KRT28: variants seen among roughly 807,000 people sequenced by gnomAD.
The protein encoded by KRT28 is keratin, type I cytoskeletal 28.
KRT28 carries 45 observed loss-of-function variants against 48.1 expected under a neutral mutation model. That is an observed-to-expected ratio of 0.94 (90% CI 0.74 to 1.20). The LOEUF (loss-of-function observed/expected upper bound fraction) is 1.20, where lower values mean the gene tolerates loss of function less well. Ranked by LOEUF, KRT28 falls within the 50% of genes most tolerant of loss-of-function variation. KRT28 has a pLI of 0.00. For synonymous variants in KRT28, 228 were observed against 227.4 expected, an observed-to-expected ratio of 1.00 and a Z score of -0.03; for missense variants, 571 against 574.1, an observed-to-expected ratio of 0.99 and a Z score of 0.06.
chr17:40,799,304 T>C, intron 1 of KRT28, 140 bp downstream of exon 1: 2 of 747,876 alleles, frequency 2.7e-6, no homozygotes, highest in Non-Finnish European at 4.1e-6. Context: ...GGGCCCATTT[T>C]TGAATAGTAG....
At chr17:40,799,273 C>A (rs531648383) in intron 1 of KRT28, among the ~76,000 whole-genome samples, 171 bp downstream of exon 1, 1 of 152,230 alleles carries the variant, frequency 6.6e-6, no homozygotes, top group South Asian at 2.1e-4. Flanking sequence ...ATTTTAACTA[C>A]ATTAAAATTC....
Position 40,797,182 on chromosome 17 carries a change from C to T in KRT28, c.790G>A (p.Ala264Thr). Residue 264 changes from alanine to threonine, a missense_variant, in exon 4 of 8, where the codon GCG becomes ACG. Physicochemically the swap from Ala to Thr is moderately conservative, Grantham distance 58 (BLOSUM62 0). Transcript: ENST00000306658. ...TGCTCTGCAAGGGCTTCGTACTCCG[C>T]TCGCATGTTGTTCAACAAAACCGCG... ...DLAVLLNNMR[A>T]EYEALAEQNR... is the part of the protein sequence containing the mutation. 6.2e-7 allele frequency: 1 copy of T among 1,614,182 alleles called. No individual in the cohort carries two copies. Among genetic ancestry groups the T allele is most frequent in the Non-Finnish European group, 8.5e-7 (1 of 1,180,026 alleles).
chr17:40,799,460 T>A lies in KRT28; in HGVS notation c.434A>T (p.Glu145Val), dbSNP rs1904696463. Residue 145 changes from glutamate (E) to valine (V), a missense_variant, in exon 1 of 8, where the codon GAG becomes GTG. Glu to Val is a moderately radical substitution (Grantham distance 121). Coordinates refer to ENST00000306658, the MANE Select transcript of KRT28 (RefSeq NM_181535.3). The part of the protein sequence containing the change: ...HDYSRYHLTI[E>V]DLKNKIISST... ...ATTTCTCACCTTATTCTTAAGATCC[T>A]CAATTGTTAGGTGATATCTGCTATA... 1 of 1,603,952 alleles carries A rather than the reference T, an allele frequency of 6.2e-7. No homozygotes were observed. Among genetic ancestry groups the A allele is most frequent in the Non-Finnish European group, 8.5e-7 (1 of 1,172,938 alleles).
chr17:40,798,094 A>G, intron 3 of KRT28, 141 bp downstream of exon 3: 1 of 698,868 alleles, frequency 1.4e-6, no homozygotes, highest in Non-Finnish European at 2.4e-6. Context: ...AGTAGGTAGT[A>G]TTATTAGACT....
Position 40,797,205 on chromosome 17 carries a change from G to A in KRT28, c.767C>T (p.Ala256Val), listed in dbSNP as rs768445733. ...CGCTCGCATGTTGTTCAACAAAACC[G>A]CGAGGTCTACCCCCGGGGCCGCGTT... is the stretch of plus-strand genomic sequence containing the variant. ...EMNAAPGVDLAVLLNNMRAEY... is the reference protein window; with the variant it reads ...EMNAAPGVDLVVLLNNMRAEY... Residue 256 changes from alanine (A) to valine (V), a missense_variant, in exon 4 of 8, where the codon GCG (alanine) becomes GTG (valine). Transcript: ENST00000306658. 1.2e-6 allele frequency: 2 copies of A among 1,614,118 alleles called. No homozygotes were observed. Among genetic ancestry groups the A allele is most frequent in the East Asian group, 4.5e-5 (2 of 44,878 alleles).
At position 40,797,185 on chromosome 17, in the gene KRT28, G is replaced by T. The variant is rs781711166; in HGVS notation, c.787C>A (p.Arg263=). The T allele has an allele frequency of 1.2e-5, 19 of 1,614,014 alleles. No homozygotes were observed. The highest frequency in any genetic ancestry group is 5.3e-5 in the African/African-American group (4 of 74,904). ...VDLAVLLNNM[R]AEYEALAEQN... is the part of the protein sequence containing the mutation. ...TCTGCAAGGGCTTCGTACTCCGCTC[G>T]CATGTTGTTCAACAAAACCGCGAGG... Residue 263 remains arginine (R), a synonymous_variant, in exon 4 of 8, where the codon CGA becomes AGA. Coordinates refer to ENST00000306658, the MANE Select transcript of KRT28 (RefSeq NM_181535.3).
At position 40,792,282 on chromosome 17, in the gene KRT28, A is replaced by C; in HGVS notation, c.*145T>G. 1 of 565,642 alleles carries C rather than the reference A, an allele frequency of 1.8e-6. No individual in the cohort carries two copies. Among genetic ancestry groups the C allele is most frequent in the Non-Finnish European group, 2.8e-6 (1 of 351,570 alleles). The allele number at this position is 565,642 out of a possible 1,614,324, so 35.0% of individuals were successfully genotyped here. On this transcript the variant is annotated 3_prime_UTR_variant, in exon 8 of 8. Transcript: ENST00000306658. The stretch of plus-strand genomic sequence containing the variant: ...TTTTATTTATTGGAAACAAACACTC[A>C]ATATCCTGTAAAACTAAGAAAACAG...
chr17:40,793,793 G>C, intron 6 of KRT28, 36 bp downstream of exon 6: 1 of 1,603,828 alleles, frequency 6.2e-7, no homozygotes, highest in Non-Finnish European at 8.5e-7. Flanking sequence ...TAGCTTAAAA[G>C]AGGTAAAAAC....
At chr17:40,799,358 C>T in intron 1 of KRT28, 86 bp downstream of exon 1, 2 of 1,083,010 alleles carry the variant, frequency 1.8e-6, no homozygotes. Flanking sequence ...TTATAACAGT[C>T]ATGAAGCATT....
At position 40,797,232 on chromosome 17, in the gene KRT28, A is replaced by T; in HGVS notation, c.740T>A (p.Met247Lys). The T allele has an allele frequency of 1.2e-6, 2 of 1,614,136 alleles. No individual in the cohort carries two copies. Among genetic ancestry groups the T allele is most frequent in the Non-Finnish European group, 1.7e-6 (2 of 1,180,020 alleles). Residue 247 changes from methionine (M) to lysine (K), a missense_variant, in exon 4 of 8, where the codon ATG (methionine) becomes AAG (lysine). By Grantham distance (95) the Met-to-Lys change is moderately conservative. Coordinates refer to ENST00000306658, the MANE Select transcript of KRT28 (RefSeq NM_181535.3). ...CAAGGNVNVE[M>K]NAAPGVDLAV... The stretch of plus-strand genomic sequence containing the variant: ...GAGGTCTACCCCCGGGGCCGCGTTC[A>T]TCTCCACGTTCACGTTGCCCCCAGC...
chr17:40,794,188 G>C, intron 5 of KRT28, 142 bp from the exon 6 acceptor site: 1 of 1,017,258 alleles, frequency 9.8e-7, no homozygotes, highest in South Asian at 1.6e-5. Flanking sequence ...GGGAAAGAAA[G>C]GAGGCTGGCA....
chr17:40,793,284 A>G, intron 6 of KRT28, 74 bp from the exon 7 acceptor site: 1 of 987,824 alleles, frequency 1.0e-6, no homozygotes. Context: ...TGACTCAATG[A>G]ATGAAATTTG....
chr17:40,798,522 A>C (rs1156738520), intron 2 of KRT28, 131 bp from the exon 3 acceptor site: 1 of 978,482 alleles, frequency 1.0e-6, no homozygotes, highest in African/African-American at 1.6e-5. Context: ...AAATATATGA[A>C]GAAAGCGCTC....
chr17:40,797,320 G>C (rs768864912), intron 3 of KRT28, 39 bp from the exon 4 acceptor site: 1 of 1,585,538 alleles, frequency 6.3e-7, no homozygotes, highest in Non-Finnish European at 8.6e-7. Context: ...GGGCATTGCA[G>C]GTTCACACTC....
chr17:40,798,903 C>T lies in KRT28; in HGVS notation c.533+14G>A, dbSNP rs1167500999. On this transcript the variant is annotated intron_variant, in intron 2 of 7. Transcript: ENST00000306658. Reference sequence around the variant, plus strand: ...AAACTTTTTTCTAGAGCAGGATTTTCTTCTGTCACTTACTTTAGCCTGAAA... The same window carrying T: ...AAACTTTTTTCTAGAGCAGGATTTTTTTCTGTCACTTACTTTAGCCTGAAA... The T allele has an allele frequency of 6.4e-7, 1 of 1,554,740 alleles. No homozygotes were observed. The highest frequency in any genetic ancestry group is 8.8e-7 in the Non-Finnish European group (1 of 1,137,548).
At position 40,798,324 on chromosome 17, in the gene KRT28, C is replaced by T; in HGVS notation, c.601G>A (p.Asp201Asn). 6.2e-7 allele frequency: 1 copy of T among 1,613,486 alleles called. No homozygotes were observed. The highest frequency in any genetic ancestry group is 8.5e-7 in the Non-Finnish European group (1 of 1,179,608). Residue 201 changes from aspartate (D) to asparagine (N), a missense_variant, in exon 3 of 8, where the codon GAC becomes AAC. Asp to Asn is a conservative substitution (Grantham distance 23). Coordinates refer to ENST00000306658, the MANE Select transcript of KRT28 (RefSeq NM_181535.3). ...TCGGTCCTGCAGAGCGTCAGCTCGTCCAGGACTCGCCGTAATCCGTTGATG... is the reference window on the plus strand; with the variant it reads ...TCGGTCCTGCAGAGCGTCAGCTCGTTCAGGACTCGCCGTAATCCGTTGATG... ...ADINGLRRVL[D>N]ELTLCRTDQE... is the part of the protein sequence containing the mutation.
rs1391417887 is a variant in KRT28, at chr17:40,799,606, G to A, written c.288C>T (p.Arg96=). ...GCACATTATCCAGGTAGGATGCCAA[G>A]CGGTCATTAAGATTTTGCATGGTCA... is the stretch of plus-strand genomic sequence containing the variant. ...EKVTMQNLND[R]LASYLDNVRA... The change falls in exon 1 of 8, where the codon CGC becomes CGT. Residue 96 remains arginine (R), a synonymous_variant. Coordinates refer to ENST00000306658, the MANE Select transcript of KRT28 (RefSeq NM_181535.3). The A allele has an allele frequency of 6.2e-7, 1 of 1,614,016 alleles. No homozygotes were observed. The highest frequency in any genetic ancestry group is 1.3e-5 in the African/African-American group (1 of 74,908).
intron 5 of KRT28, among the ~76,000 whole-genome samples, chr17:40,795,811 G>A (rs1039575838): frequency 2.6e-5 from 4 of 152,174 alleles, no homozygotes; most frequent in African/African-American, 7.2e-5. Context: ...AATAGAGGGA[G>A]GATTCACTCA....
Position 40,792,460 on chromosome 17 carries a change from G to A in KRT28, c.1362C>T (p.Thr454=), listed in dbSNP as rs1904514368. ...GAACCCTTTGTTCTGTCTTGCCGTT[G>A]GTCATTTTAGATGTCTTTTCTTCAA... is the stretch of plus-strand genomic sequence containing the variant. ...HSIEEKTSKM[T]NGKTEQRVPF Residue 454 remains threonine, a synonymous_variant, in exon 8 of 8, where the codon ACC becomes ACT. Transcript: ENST00000306658. 7.4e-6 allele frequency: 12 copies of A among 1,612,812 alleles called. No individual in the cohort carries two copies. Among genetic ancestry groups the A allele is most frequent in the Middle Eastern group, 3.3e-4 (2 of 6,078 alleles).
Sources: allele counts gnomAD v4.1 joint callset (sites outside exome capture counted in the v4.1 genomes callset), GRCh38; gene constraint gnomAD v4.1.1; transcripts MANE v1.5; gene names NCBI Gene and HGNC (gene_info 2026-07-23, HGNC 2026-07-21).